Variants in ASPH observed in about 807,000 individuals in gnomAD.
The protein encoded by ASPH is aspartate beta-hydroxylase, also known as aspartyl/asparaginyl beta-hydroxylase.
Under a neutral mutation model 118.4 loss-of-function variants are expected in ASPH, and 100 were observed. The ratio of observed to expected loss-of-function variants is 0.84; its 90% confidence interval spans 0.72 to 1.00. The LOEUF (loss-of-function observed/expected upper bound fraction) is 1.00. Ranked by LOEUF, ASPH falls within the 50% of genes least tolerant of loss-of-function variation. The pLI is 0.00. For missense variants in ASPH, 920 were observed against 919.5 expected, an observed-to-expected ratio of 1.00 and a Z score of -0.01; for synonymous variants, 315 against 325.6, an observed-to-expected ratio of 0.97 and a Z score of 0.35.
chr8:61,548,267 T>C (rs1824631593), intron 20 of ASPH, 59 bp from the exon 21 acceptor site: 1 of 1,507,722 alleles, frequency 6.6e-7, no homozygotes, highest in Non-Finnish European at 8.9e-7. Context: ...TTTTTATTAA[T>C]TTTAAAATTG....
intron 6 of ASPH, among the ~76,000 whole-genome samples, chr8:61,645,019 G>A (rs369769992): frequency 1.4e-4 from 21 of 152,274 alleles, no homozygotes; most frequent in African/African-American, 4.8e-4. Context: ...AACTATGGAT[G>A]GGAACAGAGA....
At chr8:61,518,145 T>C in intron 22 of ASPH, 22 bp from the exon 23 acceptor site, 1 of 1,599,360 alleles carries the variant, frequency 6.3e-7, no homozygotes, top group Non-Finnish European at 8.6e-7. Context: ...AACATAATTG[T>C]TGGAAACAAA....
At chr8:61,686,734 G>A (rs1830689657) in intron 1 of ASPH, among the ~76,000 whole-genome samples, 1 of 152,038 alleles carries the variant, frequency 6.6e-6, no homozygotes, top group Non-Finnish European at 1.5e-5. Context: ...GCTACTTATT[G>A]CCTCTAAGAA....
In ASPH at chr8:61,603,218, A is replaced by AT. The variant is rs1372499220; in HGVS notation, c.976+15759_976+15760insA. 2.8e-4 allele frequency among the ~76,000 whole-genome samples: 40 copies of AT among 141,860 alleles called. No homozygotes were observed. In the East Asian group the frequency reaches 4.5e-3, roughly 16 times the overall value. 93.1% of individuals were successfully genotyped at this position (141,860 alleles called of 152,430 possible). A position where few individuals can be genotyped will look rare whatever the true frequency, so the allele number is the denominator to read the frequency against. On this transcript the variant is annotated intron_variant, in intron 14 of 24. Transcript: ENST00000379454. Reference sequence around the variant, plus strand: ...AAAAAAAAAAAAAAAAAAAAAAAAAAGAGAAAAGAAATTCACAATAATTTC... The same window carrying AT: ...AAAAAAAAAAAAAAAAAAAAAAAAAATGAGAAAAGAAATTCACAATAATTTC...
intron 14 of ASPH, among the ~76,000 whole-genome samples, chr8:61,612,376 T>C (rs1350260494): frequency 2.2e-4 from 7 of 31,522 alleles, no homozygotes; most frequent in Non-Finnish European, 3.3e-4. Flanking sequence ...TGAACAAAGT[T>C]TTTTTTTTTT....
intron 3 of ASPH, chr8:61,663,832 T>A: frequency 1.0e-6 from 1 of 981,432 alleles, no homozygotes; most frequent in African/African-American, 1.7e-5. Flanking sequence ...TGTCGTAAAG[T>A]ATTTGACTTT....
chr8:61,681,823 G>A (rs1828233677), intron 2 of ASPH, among the ~76,000 whole-genome samples: 1 of 151,798 alleles, frequency 6.6e-6, no homozygotes, highest in African/African-American at 2.4e-5. Flanking sequence ...AAGGAACACT[G>A]TTATTTTGTT....
chr8:61,619,002 C>A lies in ASPH; in HGVS notation c.952G>T (p.Asp318Tyr), dbSNP rs765485026. 6.2e-7 allele frequency: 1 copy of A among 1,605,590 alleles called. No individual in the cohort carries two copies. The highest frequency in any genetic ancestry group is 1.1e-5 in the South Asian group (1 of 90,558). Residue 318 changes from aspartate to tyrosine, a missense_variant, in exon 14 of 25, where the codon GAT (aspartate) becomes TAT (tyrosine). Coordinates refer to ENST00000379454, the MANE Select transcript of ASPH (RefSeq NM_004318.4). ...CCTTTTGCTTTTTGTTCTGGATCAT[C>A]TGTTTTTCTATTTGTTTCTGAAAAT... ...EVPPETNRKT[D>Y]DPEQKAKVKK...
At chr8:61,680,058 G>A (rs984533941) in intron 3 of ASPH, among the ~76,000 whole-genome samples, 1 of 151,354 alleles carries the variant, frequency 6.6e-6, no homozygotes, top group Non-Finnish European at 1.5e-5. Context: ...ATAAGGAGGT[G>A]GAATTAATCT....
intron 14 of ASPH, among the ~76,000 whole-genome samples, chr8:61,592,617 GGAAAA>G (rs1457813008): frequency 6.6e-6 from 1 of 152,118 alleles, no homozygotes; most frequent in Admixed American, 6.5e-5. Flanking sequence ...TTTAAGGGAA[GGAAAA>G]GTAAGACCAA....
chr8:61,632,730 A>G, intron 13 of ASPH: 2 of 370,082 alleles, frequency 5.4e-6, no homozygotes, highest in Non-Finnish European at 5.3e-6. Context: ...GGCATCCCAC[A>G]TATAACTAAA....
At chr8:61,517,432 C>T (rs566283791) in intron 24 of ASPH, 96 bp downstream of exon 24, 91 of 1,502,450 alleles carry the variant, frequency 6.1e-5, no homozygotes, top group Non-Finnish European at 7.8e-5. Flanking sequence ...ACTTCAGCTA[C>T]AAAAGAAGAT....
chr8:61,682,679 A>G (rs990873179), intron 2 of ASPH, among the ~76,000 whole-genome samples: 5 of 152,140 alleles, frequency 3.3e-5, no homozygotes, highest in African/African-American at 1.2e-4. Flanking sequence ...CACTTTCTTT[A>G]AAGTAATGAA....
rs78396530 is a variant in ASPH at position 61,616,077 on chromosome 8, C to T, written c.976+2901G>A. 3.5e-3 allele frequency among the ~76,000 whole-genome samples: 540 copies of T among 152,220 alleles called. 2 individuals are homozygous for T. Among genetic ancestry groups the T allele is most frequent in the Middle Eastern group, 0.02 (6 of 294 alleles). On this transcript the variant is annotated intron_variant, in intron 14 of 24. Transcript: ENST00000379454. The stretch of plus-strand genomic sequence containing the variant: ...CCTGCATTTCCCCCTTAATAAAATA[C>T]TTTAGTTACAAACATATTTTGGTTG...
At chr8:61,527,817 T>G (rs1816019294) in intron 21 of ASPH, among the ~76,000 whole-genome samples, 1 of 152,140 alleles carries the variant, frequency 6.6e-6, no homozygotes, top group African/African-American at 2.4e-5. Context: ...ATTGGCTGGT[T>G]CCAGGTGGTT....
chr8:61,617,005 T>C (rs1434959380), intron 14 of ASPH, among the ~76,000 whole-genome samples: 1 of 152,106 alleles, frequency 6.6e-6, no homozygotes, highest in East Asian at 1.9e-4. Flanking sequence ...CAGGAGTCGG[T>C]TTTAGACTTG....
At position 61,665,243 on chromosome 8, in the gene ASPH, C is replaced by T. The variant is rs771159054; in HGVS notation, c.323-11583G>A. 3 of 1,571,584 alleles carry T rather than the reference C, an allele frequency of 1.9e-6. No homozygotes were observed. In the South Asian group the frequency reaches 3.6e-5, roughly 19 times the overall value. On this transcript the variant is annotated intron_variant, in intron 3 of 24. Coordinates refer to ENST00000379454, the MANE Select transcript of ASPH (RefSeq NM_004318.4). ...ATGACCATGTTCTGGGATGATGATG[C>T]CAGAGCTTTAGCCGTTTCTTTTCTG...
chr8:61,636,713 T>C (rs1857939857), intron 12 of ASPH, among the ~76,000 whole-genome samples: 1 of 152,212 alleles, frequency 6.6e-6, no homozygotes, highest in Non-Finnish European at 1.5e-5. Context: ...ATAGTTCTTT[T>C]CTATAAACCG....
At chr8:61,511,743 A>T (rs1808900218) in intron 24 of ASPH, among the ~76,000 whole-genome samples, 1 of 152,216 alleles carries the variant, frequency 6.6e-6, no homozygotes, top group Non-Finnish European at 1.5e-5. Flanking sequence ...AGCTGGGATT[A>T]CAGGCATTAG....
Sources: gnomAD v4.1 joint callset for allele counts (sites outside exome capture counted in the v4.1 genomes callset) on GRCh38, gnomAD v4.1.1 for gene constraint, MANE v1.5 for transcripts, NCBI Gene and HGNC (gene_info 2026-07-23, HGNC 2026-07-21) for gene names.